The following IQCH variants were observed in gnomAD, a reference collection of about 807,000 sequenced individuals.
IQCH encodes the protein IQ motif containing H, also known as IQ domain-containing protein H.
In IQCH, 98 loss-of-function variants were observed where a neutral mutation model predicts 117.0. That is an observed-to-expected ratio of 0.84 (90% confidence interval 0.71 to 0.99). The LOEUF is 0.99. IQCH is among the 50% of genes least tolerant of loss of function. IQCH has a pLI of 0.00. For missense variants in IQCH, 1,102 were observed against 1,243.8 expected (o/e 0.89, Z 1.72); for synonymous variants, 412 against 448.2 (o/e 0.92, Z 1.02).
At chr15:67,257,818 C>G (rs578156620) in intron 1 of IQCH, among the ~76,000 whole-genome samples, 1 of 152,174 alleles carries the variant, frequency 6.6e-6, no homozygotes, top group Non-Finnish European at 1.5e-5. Context: ...TGTGTTAACA[C>G]AAAAATCCAA....
In IQCH at chr15:67,321,511, CTTTT is replaced by C. The variant is rs150373017; in HGVS notation, c.388-15462_388-15459del. Among the ~76,000 whole-genome samples, 97 of 128,122 alleles carry C rather than the reference CTTTT, an allele frequency of 7.6e-4. No individual in the cohort carries two copies. In the East Asian group the frequency reaches 0.019, roughly 25 times the overall value. 84.1% of individuals were successfully genotyped at this position (128,122 alleles called of 152,430 possible). On this transcript the variant is annotated intron_variant, in intron 4 of 20. Coordinates refer to ENST00000335894, the MANE Select transcript of IQCH (RefSeq NM_001031715.3). ...CTTTTTCTTTCTTTTTTCTTTCTTT[CTTTT>C]TCTTTCTTTCTTTCTTTCCTTCCTT...
chr15:67,276,223 A>G (rs1966115542), intron 3 of IQCH, among the ~76,000 whole-genome samples: 1 of 152,200 alleles, frequency 6.6e-6, no homozygotes, highest in South Asian at 2.1e-4. Context: ...CCATCCATAG[A>G]AGTAAAAGGA....
chr15:67,263,117 A>C lies in IQCH; in HGVS notation c.175-5A>C. On this transcript the variant is annotated splice_polypyrimidine_tract_variant and splice_region_variant and intron_variant, in intron 2 of 20. Transcript: ENST00000335894. The stretch of plus-strand genomic sequence containing the variant: ...ATTGCCTAAACTTTGACATTTCTGT[A>C]ACAGATTCACATTGAGAAGTATTTA... 2 of 1,418,720 alleles carry C rather than the reference A, an allele frequency of 1.4e-6. No individual in the cohort carries two copies. The highest frequency in any genetic ancestry group is 2.0e-6 in the Non-Finnish European group (2 of 1,004,960). 87.9% of individuals were successfully genotyped at this position (1,418,720 alleles called of 1,614,324 possible).
chr15:67,374,847 G>A (rs745503039), intron 10 of IQCH, among the ~76,000 whole-genome samples: 27 of 152,160 alleles, frequency 1.8e-4, no homozygotes, highest in Non-Finnish European at 3.1e-4. Context: ...TGAGTCCTTC[G>A]AATAAGGTGC....
chr15:67,313,619 C>T (rs896814698), intron 4 of IQCH, among the ~76,000 whole-genome samples: 2 of 152,036 alleles, frequency 1.3e-5, no homozygotes, highest in Admixed American at 6.6e-5. Flanking sequence ...GTGAGAGTAA[C>T]AGAGGATGGC....
intron 4 of IQCH, among the ~76,000 whole-genome samples, chr15:67,323,657 C>T (rs1165027174): frequency 2.0e-5 from 3 of 152,016 alleles, no homozygotes; most frequent in Admixed American, 2.0e-4. Flanking sequence ...AATATTCATC[C>T]TTAAGTTACC....
rs553641259 is a variant in IQCH, at chr15:67,454,455, A to C, written c.2506-10672A>C. 7.0e-4 allele frequency among the ~76,000 whole-genome samples: 107 copies of C among 152,266 alleles called. 2 individuals are homozygous for C. In the South Asian group the frequency reaches 0.022, roughly 31 times the overall value. ...TTCACACTTTTAAAATATACATTACAATGGTTTTTAGTATATTCACAGAGT... is the reference window on the plus strand; with the variant it reads ...TTCACACTTTTAAAATATACATTACCATGGTTTTTAGTATATTCACAGAGT... On this transcript the variant is annotated intron_variant, in intron 16 of 20. Transcript: ENST00000335894. This position sits in a 1 kb window ranked among gnomAD's most constrained non-coding sequence, Gnocchi z 5.2.
intron 4 of IQCH, among the ~76,000 whole-genome samples, chr15:67,319,313 T>TTA (rs1225917329): frequency 6.6e-6 from 1 of 152,208 alleles, no homozygotes; most frequent in Non-Finnish European, 1.5e-5. Flanking sequence ...AAGTCCATGT[T>TTA]TATATTACGC....
intron 1 of IQCH, among the ~76,000 whole-genome samples, chr15:67,259,667 A>G (rs1458247811): frequency 6.6e-6 from 1 of 152,238 alleles, no homozygotes; most frequent in Non-Finnish European, 1.5e-5. Flanking sequence ...GGAGCTACAG[A>G]TACTAGAAGA....
rs2081854777 is a variant in IQCH at position 67,425,212 on chromosome 15, CTG to C, written c.2505+3637_2505+3638del. Among the ~76,000 whole-genome samples, 1 of 152,234 alleles carries C rather than the reference CTG, an allele frequency of 6.6e-6. No individual in the cohort carries two copies. Among genetic ancestry groups the C allele is most frequent in the Non-Finnish European group, 1.5e-5 (1 of 68,038 alleles). On this transcript the variant is annotated intron_variant, in intron 16 of 20. Transcript: ENST00000335894. This position sits in a 1 kb window ranked among gnomAD's most constrained non-coding sequence, Gnocchi z 5.5. ...GCTGGAGCTCTTTGTATATTGGAAA[CTG>C]TCATTCTTTGACTATTATACATCTT...
intron 4 of IQCH, among the ~76,000 whole-genome samples, chr15:67,297,995 TC>T (rs1171959382): frequency 6.6e-6 from 1 of 151,910 alleles, no homozygotes; most frequent in East Asian, 1.9e-4. Context: ...AAAAAAAAAT[TC>T]TAATAATCTG....
Position 67,422,053 on chromosome 15 carries a change from C to G in IQCH, c.2505+476C>G, listed in dbSNP as rs905770107. ...GGCAGAGGTTGCAATGAGCCGAGAT[C>G]ATGCTACTACACTCCAGCCTGGGTG... On this transcript the variant is annotated intron_variant, in intron 16 of 20. Coordinates refer to ENST00000335894, the MANE Select transcript of IQCH (RefSeq NM_001031715.3). The surrounding 1 kb of genome is among the most constrained non-coding windows in gnomAD (Gnocchi z 4.7). Among the ~76,000 whole-genome samples the G allele has an allele frequency of 6.6e-6, 1 of 150,946 alleles. No individual in the cohort carries two copies. Among genetic ancestry groups the G allele is most frequent in the African/African-American group, 2.4e-5 (1 of 41,004 alleles).
chr15:67,457,940 G>T lies in IQCH; in HGVS notation c.2506-7187G>T, dbSNP rs1300645386. Among the ~76,000 whole-genome samples, 1 of 152,144 alleles carries T rather than the reference G, an allele frequency of 6.6e-6. No homozygotes were observed. The highest frequency in any genetic ancestry group is 1.5e-5 in the Non-Finnish European group (1 of 68,032). ...CTAAACGTGATGAGAAGTGGACTGA[G>T]CTGCCTCTGCCTTGTCCCCTGGGGA... On this transcript the variant is annotated intron_variant, in intron 16 of 20. Coordinates refer to ENST00000335894, the MANE Select transcript of IQCH (RefSeq NM_001031715.3). The surrounding 1 kb of genome is among the most constrained non-coding windows in gnomAD (Gnocchi z 5.7).
chr15:67,413,072 T>TAG lies in IQCH; in HGVS notation c.2098-3859_2098-3858insAG, dbSNP rs750630557. 1.5e-5 allele frequency among the ~76,000 whole-genome samples: 2 copies of TAG among 137,680 alleles called. No individual in the cohort carries two copies. The highest frequency in any genetic ancestry group is 6.3e-5 in the African/African-American group (2 of 31,794). 90.3% of individuals were successfully genotyped at this position (137,680 alleles called of 152,430 possible). A position where few individuals can be genotyped will look rare whatever the true frequency, so the allele number is the denominator to read the frequency against. On this transcript the variant is annotated intron_variant, in intron 14 of 20. Coordinates refer to ENST00000335894, the MANE Select transcript of IQCH (RefSeq NM_001031715.3). This position sits in a 1 kb window ranked among gnomAD's most constrained non-coding sequence, Gnocchi z 5.0. ...TGGAGTGTTTGTCTGTTATGGAAGG[T>TAG]GTGTGTGTGTGTGTGTGTGTGTGTG...
rs2083941542 is a variant in IQCH, at chr15:67,500,204, CAGCCTATT to C, written c.2971-424_2971-417del. On this transcript the variant is annotated intron_variant, in intron 20 of 20. Transcript: ENST00000335894. The surrounding 1 kb of genome is among the most constrained non-coding windows in gnomAD (Gnocchi z 4.4). Reference sequence around the variant, plus strand: ...AACCAATGGAAAGAAACCTTCCCATCAGCCTATTAGCCCTCATTTTAGGGTGACTAGAC... The same window carrying C: ...AACCAATGGAAAGAAACCTTCCCATCAGCCCTCATTTTAGGGTGACTAGAC... Among the ~76,000 whole-genome samples, 1 of 152,158 alleles carries C rather than the reference CAGCCTATT, an allele frequency of 6.6e-6. No homozygotes were observed. Among genetic ancestry groups the C allele is most frequent in the South Asian group, 2.1e-4 (1 of 4,830 alleles).
At position 67,424,025 on chromosome 15, in the gene IQCH, T is replaced by C. The variant is rs1227079771; in HGVS notation, c.2505+2448T>C. Among the ~76,000 whole-genome samples, 1 of 152,132 alleles carries C rather than the reference T, an allele frequency of 6.6e-6. No individual in the cohort carries two copies. The highest frequency in any genetic ancestry group is 2.4e-5 in the African/African-American group (1 of 41,438). ...TTGCACACAGCAGTCAAAAGGATCT[T>C]CTCCAAACACGATGCCAGTCCTTCC... On this transcript the variant is annotated intron_variant, in intron 16 of 20. Coordinates refer to ENST00000335894, the MANE Select transcript of IQCH (RefSeq NM_001031715.3). The surrounding 1 kb of genome is among the most constrained non-coding windows in gnomAD (Gnocchi z 4.9).
rs781641250 is a variant in IQCH, at chr15:67,342,939, C to T, written c.509-1124C>T. On this transcript the variant is annotated intron_variant, in intron 5 of 20. Coordinates refer to ENST00000335894, the MANE Select transcript of IQCH (RefSeq NM_001031715.3). This position sits in a 1 kb window ranked among gnomAD's most constrained non-coding sequence, Gnocchi z 4.7. Reference sequence around the variant, plus strand: ...GGTTGAGTTGGGGCCCAGGCATCTCCGCTTTTAATAACAAATTCTTCTCCT... The same window carrying T: ...GGTTGAGTTGGGGCCCAGGCATCTCTGCTTTTAATAACAAATTCTTCTCCT... Among the ~76,000 whole-genome samples, 8 of 152,084 alleles carry T rather than the reference C, an allele frequency of 5.3e-5. No individual in the cohort carries two copies. The highest frequency in any genetic ancestry group is 1.9e-4 in the East Asian group (1 of 5,184).
chr15:67,369,051 A>G lies in IQCH; in HGVS notation c.754-3060A>G, dbSNP rs889896360. 6.6e-6 allele frequency among the ~76,000 whole-genome samples: 1 copy of G among 152,160 alleles called. No individual in the cohort carries two copies. The highest frequency in any genetic ancestry group is 1.5e-5 in the Non-Finnish European group (1 of 68,028). On this transcript the variant is annotated intron_variant, in intron 8 of 20. Transcript: ENST00000335894. The surrounding 1 kb of genome is among the most constrained non-coding windows in gnomAD (Gnocchi z 5.2). ...CAGCTGCACACCACCACACCCAGCT[A>G]GTATTTCTAAATTTTAGAATGCAAC...
At chr15:67,339,703 C>T (rs1176992938) in intron 5 of IQCH, among the ~76,000 whole-genome samples, 1 of 152,154 alleles carries the variant, frequency 6.6e-6, no homozygotes, top group African/African-American at 2.4e-5. Flanking sequence ...ATCTTCTCCC[C>T]TTTTGACGAA....
Sources: allele counts gnomAD v4.1 joint callset (sites outside exome capture counted in the v4.1 genomes callset), GRCh38; gene constraint gnomAD v4.1.1; non-coding constraint Gnocchi (gnomAD v3.1); transcripts MANE v1.5; gene names NCBI Gene and HGNC (gene_info 2026-07-23, HGNC 2026-07-21).